MMP2: variants seen among roughly 807,000 people sequenced by gnomAD.
The protein encoded by MMP2 is matrix metallopeptidase 2, also known as 72 kDa type IV collagenase.
Under a neutral mutation model 74.8 loss-of-function variants are expected in MMP2, and 39 were observed. The ratio of observed to expected loss-of-function variants is 0.52; its 90% CI spans 0.40 to 0.68. The LOEUF (loss-of-function observed/expected upper bound fraction) is 0.68, where lower values mean the gene tolerates loss of function less well. Among genes scored for constraint, MMP2 ranks in the 30% least tolerant of loss-of-function variants. The pLI is 0.00. For missense variants in MMP2, 803 were observed against 878.3 expected (o/e 0.91, Z 1.08); for synonymous variants, 367 against 339.8 (o/e 1.08, Z -0.88).
At chr16:55,494,246 T>C (rs1209704926) in intron 9 of MMP2, among the ~76,000 whole-genome samples, 1 of 152,252 alleles carries the variant, frequency 6.6e-6, no homozygotes, top group Non-Finnish European at 1.5e-5. Context: ...TTACTGGTTA[T>C]GTAATCATAG....
At position 55,497,391 on chromosome 16, in the gene MMP2, T is replaced by C. The variant is rs929075128; in HGVS notation, c.1609+329T>C. On this transcript the variant is annotated intron_variant, in intron 10 of 12. Transcript: ENST00000219070. ...TGTGTCCCTAACGCCTTTGTAGTGA[T>C]ACAGTCTTTGGCAGGTAACAGTTTT... Among the ~76,000 whole-genome samples the C allele has an allele frequency of 3.3e-5, 5 of 152,342 alleles. No individual in the cohort carries two copies. In the East Asian group the frequency reaches 9.6e-4, roughly 29 times the overall value.
chr16:55,488,997 C>A (rs537956668), intron 6 of MMP2, among the ~76,000 whole-genome samples: 1 of 152,166 alleles, frequency 6.6e-6, no homozygotes, highest in African/African-American at 2.4e-5. Context: ...GACCTGCATC[C>A]CTTTTCTCTC....
In MMP2 at chr16:55,505,508, G is replaced by C. The variant is rs1315810930; in HGVS notation, c.*66G>C. ...TCGATACACCGGGCCTGGAGAACTA[G>C]AGAAGGACCCGGAGGGGCCTGGCAG... is the stretch of plus-strand genomic sequence containing the variant. On this transcript the variant is annotated 3_prime_UTR_variant, in exon 13 of 13. Transcript: ENST00000219070. 4.2e-6 allele frequency: 6 copies of C among 1,421,242 alleles called. No individual in the cohort carries two copies. Among genetic ancestry groups the C allele is most frequent in the South Asian group, 1.1e-5 (1 of 87,184 alleles). 88.0% of individuals were successfully genotyped at this position (1,421,242 alleles called of 1,614,324 possible).
intron 6 of MMP2, among the ~76,000 whole-genome samples, 157 bp from the exon 7 acceptor site, chr16:55,489,494 G>C (rs1158342373): frequency 6.6e-6 from 1 of 152,202 alleles, no homozygotes; most frequent in Non-Finnish European, 1.5e-5. Flanking sequence ...CCTGCACAAG[G>C]CTGTTGTCAG....
chr16:55,479,452 G>A lies in MMP2; in HGVS notation c.-28G>A. The A allele has an allele frequency of 6.8e-7, 1 of 1,474,604 alleles. No individual in the cohort carries two copies. Among genetic ancestry groups the A allele is most frequent in the Non-Finnish European group, 9.0e-7 (1 of 1,116,844 alleles). 91.3% of individuals were successfully genotyped at this position (1,474,604 alleles called of 1,614,324 possible). Reference sequence around the variant, plus strand: ...CACGCACCGAGCCAGCGACCCCCGGGCGACGCGCGGGGCCAGGGAGCGCTA... The same window carrying A: ...CACGCACCGAGCCAGCGACCCCCGGACGACGCGCGGGGCCAGGGAGCGCTA... On this transcript the variant is annotated 5_prime_UTR_variant, in exon 1 of 13. Coordinates refer to ENST00000219070, the MANE Select transcript of MMP2 (RefSeq NM_004530.6).
At chr16:55,503,749 G>T (rs768148660) in intron 12 of MMP2, among the ~76,000 whole-genome samples, 50 of 152,174 alleles carry the variant, frequency 3.3e-4, no homozygotes, top group Non-Finnish European at 5.7e-4. Context: ...AATGAGTAAA[G>T]CAGGCAGGGG....
intron 11 of MMP2, 53 bp downstream of exon 11, chr16:55,498,501 G>A: frequency 6.2e-7 from 1 of 1,613,090 alleles, no homozygotes; most frequent in South Asian, 1.1e-5. Flanking sequence ...GAGAGACAGA[G>A]AAGCCGCCCT....
At chr16:55,479,959 T>G in intron 1 of MMP2, 1 of 199,844 alleles carries the variant, frequency 5.0e-6, no homozygotes, top group Non-Finnish European at 9.5e-6. Flanking sequence ...GGACATCCTC[T>G]AGTATCTGGG....
intron 9 of MMP2, among the ~76,000 whole-genome samples, chr16:55,494,703 A>T (rs1962492638): frequency 6.6e-6 from 1 of 152,246 alleles, no homozygotes; most frequent in Non-Finnish European, 1.5e-5. Flanking sequence ...GATGCACATT[A>T]AAGTTTGTGC....
chr16:55,479,437 G>A lies in MMP2; in HGVS notation c.-43G>A. The A allele has an allele frequency of 6.9e-7, 1 of 1,442,424 alleles. No individual in the cohort carries two copies. The highest frequency in any genetic ancestry group is 1.5e-5 in the South Asian group (1 of 68,022). 89.4% of individuals were successfully genotyped at this position (1,442,424 alleles called of 1,614,324 possible). On this transcript the variant is annotated 5_prime_UTR_variant, in exon 1 of 13. Coordinates refer to ENST00000219070, the MANE Select transcript of MMP2 (RefSeq NM_004530.6). Reference sequence around the variant, plus strand: ...GCGGCGAGGCGGCCACACGCACCGAGCCAGCGACCCCCGGGCGACGCGCGG... The same window carrying A: ...GCGGCGAGGCGGCCACACGCACCGAACCAGCGACCCCCGGGCGACGCGCGG...
intron 6 of MMP2, 116 bp downstream of exon 6, chr16:55,488,832 T>G (rs1270488818): frequency 9.0e-7 from 1 of 1,105,026 alleles, no homozygotes; most frequent in African/African-American, 1.6e-5. Flanking sequence ...TGCTAAGACA[T>G]CTGTGCGAAT....
intron 1 of MMP2, among the ~76,000 whole-genome samples, chr16:55,481,058 A>G (rs928795685): frequency 3.3e-5 from 5 of 152,148 alleles, no homozygotes; most frequent in Non-Finnish European, 7.3e-5. Flanking sequence ...CTTGCACAGG[A>G]AGGAATTCAA....
chr16:55,504,880 C>T (rs1299238972), intron 12 of MMP2, among the ~76,000 whole-genome samples: 1 of 152,030 alleles, frequency 6.6e-6, no homozygotes, highest in African/African-American at 2.4e-5. Context: ...TCTTGATCTC[C>T]TGACTTCGTG....
chr16:55,501,570 T>A (rs1156255548), intron 11 of MMP2, among the ~76,000 whole-genome samples: 1 of 152,154 alleles, frequency 6.6e-6, no homozygotes, highest in Non-Finnish European at 1.5e-5. Context: ...ACCCAGGGCA[T>A]GAGGAAGCAT....
At chr16:55,496,408 A>G (rs16955268) in intron 9 of MMP2, among the ~76,000 whole-genome samples, 2,472 of 150,416 alleles carry the variant, frequency 0.016, 63 homozygotes, top group African/African-American at 0.054. Context: ...ATGCTGTCTT[A>G]AAAGATTGTG....
chr16:55,488,113 C>T, intron 5 of MMP2: 1 of 241,506 alleles, frequency 4.1e-6, no homozygotes, highest in Admixed American at 5.2e-5. Flanking sequence ...CATCTTTGTC[C>T]TAGCCTTGAT....
At chr16:55,480,252 G>A (rs1962064170) in intron 1 of MMP2, among the ~76,000 whole-genome samples, 1 of 152,122 alleles carries the variant, frequency 6.6e-6, no homozygotes, top group African/African-American at 2.4e-5. Context: ...AGCTCGAGGG[G>A]GCCATTTGGG....
At chr16:55,490,950 G>A (rs565422037) in intron 7 of MMP2, among the ~76,000 whole-genome samples, 1 of 152,232 alleles carries the variant, frequency 6.6e-6, no homozygotes, top group Admixed American at 6.5e-5. Flanking sequence ...TGCTTCTGGA[G>A]GCTGGAAGTC....
At chr16:55,495,551 CTAAT>C (rs1261533800) in intron 9 of MMP2, among the ~76,000 whole-genome samples, 4 of 152,168 alleles carry the variant, frequency 2.6e-5, no homozygotes, top group Non-Finnish European at 5.9e-5. Flanking sequence ...TTGGTAATAA[CTAAT>C]TTATTTAGTC....
Sources: gnomAD v4.1 joint callset for allele counts (sites outside exome capture counted in the v4.1 genomes callset) on GRCh38, gnomAD v4.1.1 for gene constraint, MANE v1.5 for transcripts, NCBI Gene and HGNC (gene_info 2026-07-23, HGNC 2026-07-21) for gene names.